The following CCSER1 variants were observed in gnomAD, a reference collection of about 807,000 sequenced individuals.
CCSER1 encodes coiled-coil serine rich protein 1.
Under a neutral mutation model 82.0 loss-of-function variants are expected in CCSER1, and 41 were observed. That is an observed-to-expected ratio of 0.50 (90% CI 0.39 to 0.65). CCSER1 has a LOEUF of 0.65. CCSER1 is among the 30% of genes least tolerant of loss of function. CCSER1 has a pLI of 0.00. For synonymous variants in CCSER1, 414 were observed against 383.9 expected (o/e 1.08, Z -0.92); for missense variants, 1,119 against 1,064.2 (o/e 1.05, Z -0.72).
At chr4:91,207,150 G>A (rs1323375740) in intron 10 of CCSER1, among the ~76,000 whole-genome samples, 2 of 151,828 alleles carry the variant, frequency 1.3e-5, no homozygotes, top group Non-Finnish European at 2.9e-5. Context: ...TTGGATAGAA[G>A]AAGGTGAGAC....
intron 7 of CCSER1, among the ~76,000 whole-genome samples, chr4:90,744,950 T>TTA (rs902077720): frequency 2.8e-4 from 36 of 130,060 alleles, no homozygotes; most frequent in African/African-American, 8.6e-4. Context: ...TTCATACATT[T>TTA]TATATATATT....
chr4:90,619,976 G>A (rs1475714322), intron 5 of CCSER1, among the ~76,000 whole-genome samples: 1 of 152,024 alleles, frequency 6.6e-6, no homozygotes, highest in African/African-American at 2.4e-5. Context: ...ACACAGTCAC[G>A]TCAACCTTCT....
At chr4:90,321,455 T>G (rs907225129) in intron 3 of CCSER1, among the ~76,000 whole-genome samples, 3 of 152,174 alleles carry the variant, frequency 2.0e-5, no homozygotes, top group Non-Finnish European at 4.4e-5. Flanking sequence ...TTCTTTATCC[T>G]TTTGCTTGCT....
chr4:91,482,319 G>A (rs559833133), intron 10 of CCSER1, among the ~76,000 whole-genome samples: 73 of 92,920 alleles, frequency 7.9e-4, no homozygotes, highest in Non-Finnish European at 1.2e-3. Flanking sequence ...GGAGAATGGC[G>A]TGAACCCGGG....
chr4:90,546,043 G>C (rs75954297), intron 5 of CCSER1, among the ~76,000 whole-genome samples: 2 of 152,122 alleles, frequency 1.3e-5, no homozygotes, highest in African/African-American at 2.4e-5. Context: ...GGCATCAGAT[G>C]TGAGTTTCAA....
intron 10 of CCSER1, among the ~76,000 whole-genome samples, chr4:91,155,757 G>C (rs1288036700): frequency 2.6e-5 from 4 of 151,830 alleles, no homozygotes; most frequent in Admixed American, 6.6e-5. Flanking sequence ...AGATAGAAAA[G>C]ATAACAGGAT....
At chr4:91,580,594 C>G (rs558286051) in intron 10 of CCSER1, among the ~76,000 whole-genome samples, 2 of 151,692 alleles carry the variant, frequency 1.3e-5, no homozygotes, top group Admixed American at 6.6e-5. Context: ...GGTGAACAGG[C>G]AGGCATTTAG....
At chr4:90,373,601 A>G (rs1747817947) in intron 3 of CCSER1, among the ~76,000 whole-genome samples, 2 of 152,162 alleles carry the variant, frequency 1.3e-5, no homozygotes, top group Admixed American at 6.5e-5. Context: ...TTGCTTTAAG[A>G]CATGTAGTTA....
At chr4:91,023,669 A>G (rs894987961) in intron 9 of CCSER1, among the ~76,000 whole-genome samples, 1 of 152,158 alleles carries the variant, frequency 6.6e-6, no homozygotes, top group Non-Finnish European at 1.5e-5. Flanking sequence ...AGTTGGATTA[A>G]AAGACTTAAA....
intron 10 of CCSER1, among the ~76,000 whole-genome samples, chr4:91,206,912 C>T (rs564331771): frequency 4.0e-4 from 61 of 151,952 alleles, no homozygotes; most frequent in African/African-American, 1.3e-3. Flanking sequence ...TATATCCTAT[C>T]TTAGACATTG....
chr4:91,178,609 T>C (rs765500945), intron 10 of CCSER1, among the ~76,000 whole-genome samples: 1 of 152,204 alleles, frequency 6.6e-6, no homozygotes, highest in East Asian at 1.9e-4. Flanking sequence ...GTCTGTTGTA[T>C]CAGAGACTAG....
At chr4:90,177,548 G>A (rs1217849091) in intron 1 of CCSER1, among the ~76,000 whole-genome samples, 2 of 152,030 alleles carry the variant, frequency 1.3e-5, no homozygotes, top group East Asian at 3.9e-4. Context: ...TCTTATCAAA[G>A]TAGTCACTGA....
At chr4:91,262,160 A>G (rs1383888798) in intron 10 of CCSER1, among the ~76,000 whole-genome samples, 1 of 152,128 alleles carries the variant, frequency 6.6e-6, no homozygotes, top group Non-Finnish European at 1.5e-5. Flanking sequence ...TTACCAAACT[A>G]TTTGGGTTCG....
chr4:90,138,393 A>G (rs1724101348), intron 1 of CCSER1, among the ~76,000 whole-genome samples: 1 of 152,146 alleles, frequency 6.6e-6, no homozygotes, highest in South Asian at 2.1e-4. Context: ...TATGTGAACT[A>G]CTTCCAGTGC....
intron 9 of CCSER1, among the ~76,000 whole-genome samples, chr4:91,081,475 T>A (rs1286797962): frequency 6.6e-6 from 1 of 152,132 alleles, no homozygotes; most frequent in Non-Finnish European, 1.5e-5. Context: ...GGGCAAAAAC[T>A]GGAAGCATTC....
At chr4:91,537,793 A>G (rs1560746762) in intron 10 of CCSER1, among the ~76,000 whole-genome samples, 1 of 148,466 alleles carries the variant, frequency 6.7e-6, no homozygotes, top group Non-Finnish European at 1.5e-5. Context: ...AGTACAGAGT[A>G]TATATATTCC....
At chr4:90,723,156 C>T (rs369769338) in intron 6 of CCSER1, among the ~76,000 whole-genome samples, 1 of 151,964 alleles carries the variant, frequency 6.6e-6, no homozygotes, top group Non-Finnish European at 1.5e-5. Flanking sequence ...AAAATGACTT[C>T]TGTTGCTACC....
chr4:90,380,059 T>C (rs1179707248), intron 3 of CCSER1, among the ~76,000 whole-genome samples: 2 of 152,122 alleles, frequency 1.3e-5, no homozygotes, highest in African/African-American at 2.4e-5. Flanking sequence ...AAGCCAACCC[T>C]CATGATATAA....
At chr4:91,064,317 A>G (rs1233980787) in intron 9 of CCSER1, among the ~76,000 whole-genome samples, 2 of 152,188 alleles carry the variant, frequency 1.3e-5, no homozygotes, top group South Asian at 2.1e-4. Flanking sequence ...AGGGCCTCTG[A>G]TAACTCAGAG....
Sources: allele counts gnomAD v4.1 joint callset (sites outside exome capture counted in the v4.1 genomes callset), GRCh38; gene constraint gnomAD v4.1.1; transcripts MANE v1.5; gene names NCBI Gene and HGNC (gene_info 2026-07-23, HGNC 2026-07-21).